ARHGAP29: variants seen among roughly 807,000 people sequenced by gnomAD.
ARHGAP29 encodes the protein rho GTPase-activating protein 29.
In ARHGAP29, 43 loss-of-function variants were observed where a neutral mutation model predicts 122.6. The ratio of observed to expected loss-of-function variants is 0.35; its 90% confidence interval spans 0.27 to 0.45. The LOEUF is 0.45. ARHGAP29 is among the 20% of genes least tolerant of loss of function. The pLI is 1.00. For synonymous variants in ARHGAP29, 506 were observed against 497.1 expected (o/e 1.02, Z -0.24); for missense variants, 1,303 against 1,477.2 (o/e 0.88, Z 1.93).
At chr1:94,205,796 AG>A in intron 5 of ARHGAP29, 113 bp from the exon 6 acceptor site, 1 of 911,630 alleles carries the variant, frequency 1.1e-6, no homozygotes, top group Non-Finnish European at 1.7e-6. Context: ...AAGAATTTCA[AG>A]TATTTAAAAC....
chr1:94,308,763 T>G, the ARHGAP29 span, among the ~76,000 whole-genome samples: 4,479 of 152,306 alleles, frequency 0.029, 181 homozygotes, highest in African/African-American at 0.086. Context: ...CTTCCTCCCC[T>G]GAGGCTCTGT....
chr1:94,235,361 C>T (rs558641374), intron 1 of ARHGAP29, among the ~76,000 whole-genome samples: 142 of 152,278 alleles, frequency 9.3e-4, no homozygotes, highest in Non-Finnish European at 1.5e-3. Flanking sequence ...TAACATAAAA[C>T]TTAGTTACTA....
At chr1:94,280,892 A>G in the ARHGAP29 span, among the ~76,000 whole-genome samples, 1 of 152,180 alleles carries the variant, frequency 6.6e-6, no homozygotes, top group Non-Finnish European at 1.5e-5. Flanking sequence ...ATGACCTCAC[A>G]AATGGAAAAA....
At chr1:94,302,154 G>A in the ARHGAP29 span, 1 of 270,638 alleles carries the variant, frequency 3.7e-6, no homozygotes, top group Non-Finnish European at 7.3e-6. Flanking sequence ...TCAACTACAT[G>A]GTCTACCATG....
chr1:94,198,581 C>T (rs1315731692), intron 12 of ARHGAP29, among the ~76,000 whole-genome samples: 1 of 151,994 alleles, frequency 6.6e-6, no homozygotes, highest in East Asian at 1.9e-4. Flanking sequence ...TTCACAATAG[C>T]CCCCCCAAAT....
intron 11 of ARHGAP29, 42 bp from the exon 12 acceptor site, chr1:94,201,899 T>C: frequency 2.0e-6 from 3 of 1,475,824 alleles, no homozygotes; most frequent in Non-Finnish European, 2.7e-6. Context: ...CTAGAATTTA[T>C]ATTTTAAACA....
chr1:94,234,885 G>A (rs1320226927), intron 1 of ARHGAP29, among the ~76,000 whole-genome samples: 1 of 151,936 alleles, frequency 6.6e-6, no homozygotes, highest in Non-Finnish European at 1.5e-5. Flanking sequence ...TGGTAAAGAT[G>A]GTTACAAAAA....
intron 3 of ARHGAP29, among the ~76,000 whole-genome samples, chr1:94,219,023 T>A (rs941440875): frequency 1.6e-4 from 25 of 152,124 alleles, no homozygotes; most frequent in African/African-American, 4.8e-4. Flanking sequence ...GGACCGGCAA[T>A]CCCTTTCCCC....
chr1:94,290,293 C>T, the ARHGAP29 span, among the ~76,000 whole-genome samples: 7 of 151,882 alleles, frequency 4.6e-5, no homozygotes, highest in South Asian at 4.2e-4. Flanking sequence ...TTTTTTATTG[C>T]GTCTATTTTA....
chr1:94,241,054 C>A (rs1436211489), upstream of ARHGAP29, among the ~76,000 whole-genome samples: 1 of 152,156 alleles, frequency 6.6e-6, no homozygotes, highest in Admixed American at 6.5e-5. Context: ...TACTGCTAAA[C>A]TTCCTACATG....
At chr1:94,288,889 T>C in the ARHGAP29 span, among the ~76,000 whole-genome samples, 1 of 152,370 alleles carries the variant, frequency 6.6e-6, no homozygotes, top group African/African-American at 2.4e-5. Flanking sequence ...CATGCTGTTT[T>C]GGTTACTGTA....
intron 1 of ARHGAP29, among the ~76,000 whole-genome samples, chr1:94,253,632 ACACACACGCACGCACGCACG>A (rs1003292084): frequency 1.1e-4 from 14 of 126,858 alleles, no homozygotes; most frequent in Admixed American, 3.3e-4. Flanking sequence ...GGCATCTGGA[ACACACACGCACGCACGCACG>A]CACGCACGCA....
the ARHGAP29 span, among the ~76,000 whole-genome samples, chr1:94,307,763 T>C: frequency 6.6e-6 from 1 of 152,226 alleles, no homozygotes; most frequent in African/African-American, 2.4e-5. Flanking sequence ...TACTCATCAA[T>C]TTTAAAAAGT....
intron 2 of ARHGAP29, among the ~76,000 whole-genome samples, chr1:94,223,465 G>A (rs80258028): frequency 0.018 from 2,779 of 151,954 alleles, 100 homozygotes; most frequent in African/African-American, 0.064. Context: ...AGGGTTGTTC[G>A]GTTAAATGAA....
intron 5 of ARHGAP29, among the ~76,000 whole-genome samples, chr1:94,207,787 G>A (rs4847295): frequency 0.96 from 145,350 of 152,198 alleles, 69,777 homozygotes; most frequent in East Asian, 1. Context: ...AAGGACCTGA[G>A]GTTTTTATAA....
intron 1 of ARHGAP29, among the ~76,000 whole-genome samples, chr1:94,269,541 CAG>C (rs1654908448): frequency 6.6e-6 from 1 of 151,890 alleles, no homozygotes; most frequent in African/African-American, 2.4e-5. Flanking sequence ...TGGTCAGAAA[CAG>C]AGGGAGCAAA....
intron 12 of ARHGAP29, chr1:94,195,433 A>G (rs1258645324): frequency 1.3e-5 from 2 of 152,172 alleles, no homozygotes; most frequent in African/African-American, 4.8e-5. Context: ...TAGGAATATA[A>G]CCTGAGCTAC....
chr1:94,209,459 A>G, intron 3 of ARHGAP29, 109 bp from the exon 4 acceptor site: 1 of 599,782 alleles, frequency 1.7e-6, no homozygotes, highest in African/African-American at 1.9e-5. Context: ...GCATTAGAAG[A>G]TTCAGAAATT....
chr1:94,188,935 G>A lies in ARHGAP29; in HGVS notation c.1583C>T (p.Ser528Phe). The A allele has an allele frequency of 6.2e-7, 1 of 1,612,212 alleles. No individual in the cohort carries two copies. Among genetic ancestry groups the A allele is most frequent in the South Asian group, 1.1e-5 (1 of 90,860 alleles). The change falls in exon 15 of 23, where the codon TCC becomes TTC. Residue 528 changes from serine to phenylalanine, a missense_variant. By Grantham distance (155) the Ser-to-Phe change is radical. Transcript: ENST00000260526. ...CCCAAATGTCCATGATCTTATAAAG[G>A]AAGGACCTTTAATAAAAAGAATAAA... Reference protein sequence around the residue: ...CSNSADITGPSFIRSWTFGMF... With the variant: ...CSNSADITGPFFIRSWTFGMF...
Sources: allele counts gnomAD v4.1 joint callset (sites outside exome capture counted in the v4.1 genomes callset), GRCh38; gene constraint gnomAD v4.1.1; transcripts MANE v1.5; gene names NCBI Gene and HGNC (gene_info 2026-07-23, HGNC 2026-07-21).